The following SHISA9 variants were observed in gnomAD, a reference collection of about 807,000 sequenced individuals.
The protein encoded by SHISA9 is protein shisa-9.
SHISA9 carries 13 observed loss-of-function variants against 38.0 expected under a neutral mutation model. That is an observed-to-expected ratio of 0.34 (90% CI 0.22 to 0.54). SHISA9 has a LOEUF of 0.54. Ranked by LOEUF, SHISA9 falls within the 20% of genes least tolerant of loss-of-function variation. The probability of loss-of-function intolerance (pLI) is 0.91; values close to 1 mark genes in which losing one functional copy is unlikely to be tolerated. For missense variants in SHISA9, 538 were observed against 575.8 expected (o/e 0.93, Z 0.67); for synonymous variants, 275 against 242.0 (o/e 1.14, Z -1.27).
chr16:13,539,329 C>A, the SHISA9 span, among the ~76,000 whole-genome samples: 6,956 of 32,934 alleles, frequency 0.21, 712 homozygotes, highest in East Asian at 0.33. Flanking sequence ...AAGACAGGAT[C>A]TTTATATATA....
chr16:13,515,050 G>C, the SHISA9 span, among the ~76,000 whole-genome samples: 1 of 152,048 alleles, frequency 6.6e-6, no homozygotes, highest in Non-Finnish European at 1.5e-5. Context: ...CTTTTTTAAA[G>C]TACTAAAGAA....
Position 13,235,504 on chromosome 16 carries a change from G to C in SHISA9, c.*95G>C. 7.3e-7 allele frequency: 1 copy of C among 1,361,654 alleles called. No homozygotes were observed. Among genetic ancestry groups the C allele is most frequent in the Non-Finnish European group, 9.7e-7 (1 of 1,026,658 alleles). The allele number at this position is 1,361,654 out of a possible 1,614,324, so 84.3% of individuals were successfully genotyped here. A position where few individuals can be genotyped will look rare whatever the true frequency, so the allele number is the denominator to read the frequency against. On this transcript the variant is annotated 3_prime_UTR_variant, in exon 5 of 5. Coordinates refer to ENST00000558583, the MANE Select transcript of SHISA9 (RefSeq NM_001145204.3). ...CCCTCCCCATCCTCCCCTAATACAT[G>C]CGTCCACACACTCACTCTCAACAAG... is the stretch of plus-strand genomic sequence containing the variant.
intron 2 of SHISA9, among the ~76,000 whole-genome samples, chr16:13,150,030 T>TAAAAAAAAA (rs35012437): frequency 1.5e-5 from 1 of 67,674 alleles, no homozygotes; most frequent in Non-Finnish European, 2.7e-5. Flanking sequence ...TCCTCATCAT[T>TAAAAAAAAA]AAAAAAAAAA....
At chr16:13,562,306 GA>G in the SHISA9 span, among the ~76,000 whole-genome samples, 2 of 152,114 alleles carry the variant, frequency 1.3e-5, no homozygotes, top group Non-Finnish European at 2.9e-5. Context: ...TTTAGTAAAT[GA>G]AAATGCAGTG....
chr16:13,490,263 A>T, the SHISA9 span, among the ~76,000 whole-genome samples: 1 of 152,190 alleles, frequency 6.6e-6, no homozygotes, highest in Admixed American at 6.5e-5. Flanking sequence ...TGTTTGTCGA[A>T]CAATGGTGGG....
At chr16:12,932,156 C>G (rs2071470003) in intron 2 of SHISA9, among the ~76,000 whole-genome samples, 1 of 152,156 alleles carries the variant, frequency 6.6e-6, no homozygotes, top group Admixed American at 6.6e-5. Context: ...GCTGTGAGTC[C>G]ATTAAGCCTT....
chr16:13,040,797 C>A (rs1455709502), intron 2 of SHISA9, among the ~76,000 whole-genome samples: 2 of 150,548 alleles, frequency 1.3e-5, no homozygotes, highest in African/African-American at 4.9e-5. Flanking sequence ...ATTTTTGGTG[C>A]AAGTGAATAA....
the SHISA9 span, among the ~76,000 whole-genome samples, chr16:13,307,300 G>C: frequency 6.6e-6 from 1 of 152,154 alleles, no homozygotes; most frequent in South Asian, 2.1e-4. Context: ...TTCATATTTT[G>C]CATTCCAGAA....
the SHISA9 span, among the ~76,000 whole-genome samples, chr16:13,335,629 A>G: frequency 6.6e-6 from 1 of 152,166 alleles, no homozygotes; most frequent in East Asian, 1.9e-4. Context: ...AACCAGTCAC[A>G]CACTTTCCCT....
At chr16:13,176,981 T>C (rs1362511623) in intron 2 of SHISA9, among the ~76,000 whole-genome samples, 1 of 152,164 alleles carries the variant, frequency 6.6e-6, no homozygotes, top group East Asian at 1.9e-4. Flanking sequence ...GTCTCCCAGC[T>C]TTTGATCTTT....
chr16:13,105,054 A>T, intron 2 of SHISA9, among the ~76,000 whole-genome samples: 1 of 152,176 alleles, frequency 6.6e-6, no homozygotes, highest in East Asian at 1.9e-4. Context: ...TTAAAGCTTG[A>T]GAAGTGTTTA....
chr16:13,383,230 G>A, the SHISA9 span, among the ~76,000 whole-genome samples: 2 of 152,214 alleles, frequency 1.3e-5, no homozygotes, highest in Admixed American at 1.3e-4. Context: ...CATCAGGGAA[G>A]ACTGGAGCAA....
At chr16:13,216,288 T>C (rs2051168462) in intron 4 of SHISA9, among the ~76,000 whole-genome samples, 1 of 152,126 alleles carries the variant, frequency 6.6e-6, no homozygotes, top group Admixed American at 6.6e-5. Flanking sequence ...GCTAGTCTTG[T>C]TGTCTTCAAC....
At chr16:13,112,183 C>G (rs2073985374) in intron 2 of SHISA9, among the ~76,000 whole-genome samples, 2 of 152,040 alleles carry the variant, frequency 1.3e-5, no homozygotes, top group African/African-American at 4.8e-5. Flanking sequence ...GGCCTGAGGA[C>G]TTGTGTCAGA....
chr16:13,436,481 A>G, the SHISA9 span, among the ~76,000 whole-genome samples: 1 of 152,232 alleles, frequency 6.6e-6, no homozygotes, highest in African/African-American at 2.4e-5. Flanking sequence ...CAGAAAACTC[A>G]TCAATAATCT....
chr16:13,262,326 C>A, the SHISA9 span, among the ~76,000 whole-genome samples: 1 of 152,294 alleles, frequency 6.6e-6, no homozygotes, highest in African/African-American at 2.4e-5. Flanking sequence ...ATGCAACATC[C>A]TTAACACTCT....
the SHISA9 span, among the ~76,000 whole-genome samples, chr16:13,395,374 C>T: frequency 0.017 from 2,654 of 152,314 alleles, 28 homozygotes; most frequent in Middle Eastern, 0.051. Context: ...AACTTATTAT[C>T]TCATGATAGC....
chr16:13,235,588 A>G lies in SHISA9; in HGVS notation c.*179A>G, dbSNP rs1029987971. ...GCGCTTTTCCTAGGTCATGCCTGTAACGTGTCGGCGGGCAGCTGAGAAAGA... is the reference window on the plus strand; with the variant it reads ...GCGCTTTTCCTAGGTCATGCCTGTAGCGTGTCGGCGGGCAGCTGAGAAAGA... On this transcript the variant is annotated 3_prime_UTR_variant, in exon 5 of 5. Coordinates refer to ENST00000558583, the MANE Select transcript of SHISA9 (RefSeq NM_001145204.3). 1.3e-6 allele frequency: 1 copy of G among 776,154 alleles called. No individual in the cohort carries two copies. Among genetic ancestry groups the G allele is most frequent in the Non-Finnish European group, 2.0e-6 (1 of 507,800 alleles). 48.1% of individuals were successfully genotyped at this position (776,154 alleles called of 1,614,324 possible). A position where few individuals can be genotyped will look rare whatever the true frequency, so the allele number is the denominator to read the frequency against.
chr16:13,144,618 G>A (rs551026302), intron 2 of SHISA9, among the ~76,000 whole-genome samples: 25 of 152,234 alleles, frequency 1.6e-4, no homozygotes, highest in African/African-American at 5.1e-4. Context: ...AGAGAGAAAA[G>A]GGTTGCTATC....
Sources: allele counts gnomAD v4.1 joint callset (sites outside exome capture counted in the v4.1 genomes callset), GRCh38; gene constraint gnomAD v4.1.1; transcripts MANE v1.5; gene names NCBI Gene and HGNC (gene_info 2026-07-23, HGNC 2026-07-21).